Variants in FOXN3 observed in about 807,000 individuals in gnomAD.
FOXN3 encodes forkhead box N3.
Under a neutral mutation model 38.4 loss-of-function variants are expected in FOXN3, and 7 were observed. The observed-to-expected ratio is 0.18, with a 90% CI of 0.10 to 0.34. The LOEUF (loss-of-function observed/expected upper bound fraction) is 0.34. Ranked by LOEUF, FOXN3 falls within the 10% of genes least tolerant of loss-of-function variation. The pLI is 1.00. For missense variants in FOXN3, 456 were observed against 613.4 expected (o/e 0.74, Z 2.71); for synonymous variants, 230 against 242.2 (o/e 0.95, Z 0.47).
At chr14:89,373,041 C>A (rs76960239) in intron 2 of FOXN3, among the ~76,000 whole-genome samples, 2,664 of 152,096 alleles carry the variant, frequency 0.018, 32 homozygotes, top group Middle Eastern at 0.034. Context: ...TGACGCAGGC[C>A]TGTGGTCCCA....
intron 3 of FOXN3, among the ~76,000 whole-genome samples, chr14:89,344,928 A>G (rs1888719440): frequency 6.6e-6 from 1 of 152,168 alleles, no homozygotes; most frequent in African/African-American, 2.4e-5. Context: ...AGCTCAGTGG[A>G]CTTTTCCGAA....
intron 1 of FOXN3, among the ~76,000 whole-genome samples, chr14:89,511,259 CTTT>C (rs1337286690): frequency 0.14 from 4,345 of 31,860 alleles, 1,572 homozygotes; most frequent in Middle Eastern, 0.24. Context: ...TTCTTTCTTT[CTTT>C]CTTTCTTTCT....
At chr14:89,352,830 TCCTAA>T (rs372761650) in intron 2 of FOXN3, among the ~76,000 whole-genome samples, 44 of 152,256 alleles carry the variant, frequency 2.9e-4, no homozygotes, top group Non-Finnish European at 4.7e-4. Flanking sequence ...TTTCTCCTAA[TCCTAA>T]CCTAAGTGTT....
intron 1 of FOXN3, among the ~76,000 whole-genome samples, chr14:89,537,897 C>T (rs542227918): frequency 6.6e-6 from 1 of 152,290 alleles, no homozygotes; most frequent in East Asian, 1.9e-4. Flanking sequence ...TGACAAGTTC[C>T]TTCTTCAAAA....
Position 89,163,270 on chromosome 14 carries a change from T to C in FOXN3, c.852-301A>G, listed in dbSNP as rs977154694. The stretch of plus-strand genomic sequence containing the variant: ...AGTGGTGGAGGCTCCATCTCTTACA[T>C]TAAACCATAAAAATCAAGCTGTGCT... On this transcript the variant is annotated intron_variant, in intron 5 of 5. Transcript: ENST00000557258. This position sits in a 1 kb window ranked among gnomAD's most constrained non-coding sequence, Gnocchi z 4.3. Among the ~76,000 whole-genome samples the C allele has an allele frequency of 6.6e-6, 1 of 152,162 alleles. No individual in the cohort carries two copies. Among genetic ancestry groups the C allele is most frequent in the Non-Finnish European group, 1.5e-5 (1 of 68,032 alleles).
At chr14:89,477,751 C>G (rs1470530352) in intron 1 of FOXN3, among the ~76,000 whole-genome samples, 1 of 152,106 alleles carries the variant, frequency 6.6e-6, no homozygotes, top group East Asian at 1.9e-4. Flanking sequence ...TTTCTGAATT[C>G]TTGGAAGACA....
chr14:89,266,184 T>G (rs1262109177), intron 4 of FOXN3, among the ~76,000 whole-genome samples: 2 of 152,174 alleles, frequency 1.3e-5, no homozygotes, highest in Non-Finnish European at 2.9e-5. Context: ...AAAACTGATG[T>G]TCTCACAGTT....
intron 1 of FOXN3, among the ~76,000 whole-genome samples, chr14:89,564,624 C>T (rs1482144247): frequency 6.6e-6 from 1 of 152,156 alleles, no homozygotes; most frequent in Non-Finnish European, 1.5e-5. Context: ...AAAAACCTTA[C>T]CCGACCTCAC....
chr14:89,424,304 T>C (rs977885180), intron 1 of FOXN3, among the ~76,000 whole-genome samples: 2 of 151,992 alleles, frequency 1.3e-5, no homozygotes, highest in Non-Finnish European at 2.9e-5. Flanking sequence ...AAAGTAAGAG[T>C]TTAGGGGAAA....
chr14:89,241,608 G>GA (rs1885142068), intron 4 of FOXN3, among the ~76,000 whole-genome samples: 1 of 152,204 alleles, frequency 6.6e-6, no homozygotes. Context: ...TGGTTCTGTG[G>GA]AAACAGTAAC....
intron 4 of FOXN3, among the ~76,000 whole-genome samples, chr14:89,240,373 C>T (rs1156888794): frequency 1.3e-5 from 2 of 151,580 alleles, no homozygotes; most frequent in Non-Finnish European, 2.9e-5. Flanking sequence ...TAAATAACAA[C>T]AGAATATCAC....
At chr14:89,266,989 G>A (rs1013547735) in intron 4 of FOXN3, among the ~76,000 whole-genome samples, 1 of 152,198 alleles carries the variant, frequency 6.6e-6, no homozygotes, top group Non-Finnish European at 1.5e-5. Flanking sequence ...TGACACGTGT[G>A]TATGTAAAAG....
intron 1 of FOXN3, among the ~76,000 whole-genome samples, chr14:89,422,596 C>T (rs2140107608): frequency 6.6e-6 from 1 of 152,306 alleles, no homozygotes; most frequent in East Asian, 1.9e-4. Flanking sequence ...TAAAAAAACT[C>T]CTCACTTTCC....
intron 3 of FOXN3, among the ~76,000 whole-genome samples, chr14:89,306,531 T>G (rs1477120514): frequency 6.6e-6 from 1 of 151,982 alleles, no homozygotes; most frequent in African/African-American, 2.4e-5. Flanking sequence ...CACGCCCGGC[T>G]AATTTTTTTG....
intron 1 of FOXN3, among the ~76,000 whole-genome samples, chr14:89,537,557 A>T (rs558328934): frequency 2.6e-4 from 39 of 152,328 alleles, no homozygotes; most frequent in African/African-American, 8.9e-4. Flanking sequence ...AATGGATGGA[A>T]GGATGGCCTG....
intron 1 of FOXN3, among the ~76,000 whole-genome samples, chr14:89,438,936 T>G (rs1412333104): frequency 6.6e-6 from 1 of 152,078 alleles, no homozygotes; most frequent in African/African-American, 2.4e-5. Flanking sequence ...AATTTCGTAT[T>G]TTTAGTAGGA....
intron 1 of FOXN3, among the ~76,000 whole-genome samples, chr14:89,468,941 G>A (rs1392851733): frequency 1.3e-5 from 2 of 152,104 alleles, no homozygotes; most frequent in African/African-American, 4.8e-5. Context: ...CTCCCAAAAT[G>A]CTCTGCCCAT....
rs115502612 is a variant in FOXN3 at position 89,460,465 on chromosome 14, G to C, written c.-14-47975C>G. ...CACAGACACTTAGCAGAGAAACACC[G>C]TCAGAGTGCACAGTGAGCGGGCTTC... On this transcript the variant is annotated intron_variant, in intron 1 of 6. Transcript: ENST00000345097. Among the ~76,000 whole-genome samples the C allele has an allele frequency of 3.3e-5, 5 of 152,272 alleles. No homozygotes were observed. The South Asian group carries it at 6.2e-4, about 19-fold the overall frequency.
At chr14:89,600,966 T>C (rs1332223211) in intron 1 of FOXN3, among the ~76,000 whole-genome samples, 2 of 152,336 alleles carry the variant, frequency 1.3e-5, no homozygotes, top group Middle Eastern at 6.8e-3. Flanking sequence ...CCTTATTCCA[T>C]GAAGCAAACA....
Sources: allele counts gnomAD v4.1 joint callset (sites outside exome capture counted in the v4.1 genomes callset), GRCh38; gene constraint gnomAD v4.1.1; non-coding constraint Gnocchi (gnomAD v3.1); transcripts MANE v1.5; gene names NCBI Gene and HGNC (gene_info 2026-07-23, HGNC 2026-07-21).